Variants in NKAIN3 observed in about 807,000 individuals in gnomAD.
NKAIN3 encodes the protein sodium/potassium-transporting ATPase subunit beta-1-interacting protein 3.
NKAIN3 carries 25 observed loss-of-function variants against 30.2 expected under a neutral mutation model. The observed-to-expected ratio is 0.83, with a 90% CI of 0.60 to 1.16. NKAIN3 has a LOEUF of 1.16. Ranked by LOEUF, NKAIN3 falls within the 50% of genes most tolerant of loss-of-function variation. The probability of loss-of-function intolerance (pLI) is 0.00; values close to 1 mark genes in which losing one functional copy is unlikely to be tolerated. For synonymous variants in NKAIN3, 91 were observed against 89.6 expected (o/e 1.02, Z -0.09); for missense variants, 225 against 254.1 (o/e 0.89, Z 0.78).
intron 3 of NKAIN3, among the ~76,000 whole-genome samples, chr8:62,671,607 A>G (rs187903843): frequency 3.0e-4 from 45 of 152,334 alleles, no homozygotes; most frequent in Admixed American, 2.0e-4. Context: ...TCCAAGTAGT[A>G]TAAAACTAAA....
intron 4 of NKAIN3, among the ~76,000 whole-genome samples, chr8:62,816,777 G>C (rs991690650): frequency 6.6e-6 from 1 of 152,098 alleles, no homozygotes; most frequent in Non-Finnish European, 1.5e-5. Flanking sequence ...TGAGCCCCAC[G>C]GCAGGATGCA....
At chr8:62,990,308 A>G (rs1824295342) in intron 5 of NKAIN3, 4 of 1,414,466 alleles carry the variant, frequency 2.8e-6, no homozygotes, top group South Asian at 1.7e-5. Context: ...GAGGTGATGC[A>G]TTATTTTAGA....
At chr8:62,367,390 T>C (rs1322392597) in intron 1 of NKAIN3, among the ~76,000 whole-genome samples, 1 of 152,198 alleles carries the variant, frequency 6.6e-6, no homozygotes, top group Non-Finnish European at 1.5e-5. Flanking sequence ...TGTGATTTAT[T>C]TTGGGGCTGC....
At chr8:62,403,428 C>A (rs541687149) in intron 1 of NKAIN3, among the ~76,000 whole-genome samples, 1 of 152,310 alleles carries the variant, frequency 6.6e-6, no homozygotes, top group East Asian at 1.9e-4. Flanking sequence ...TCATTACAGG[C>A]CCAGAGGCTT....
chr8:62,275,439 A>G (rs1758528116), intron 1 of NKAIN3, among the ~76,000 whole-genome samples: 1 of 152,202 alleles, frequency 6.6e-6, no homozygotes, highest in African/African-American at 2.4e-5. Flanking sequence ...GTGGAGAAAG[A>G]AATTTTGTAA....
chr8:62,674,777 C>T (rs1261626357), intron 3 of NKAIN3, among the ~76,000 whole-genome samples: 1 of 152,006 alleles, frequency 6.6e-6, no homozygotes, highest in Admixed American at 6.6e-5. Flanking sequence ...AGAGACTAGC[C>T]GGAAGGGAAG....
intron 1 of NKAIN3, among the ~76,000 whole-genome samples, chr8:62,330,340 C>T (rs1044285784): frequency 4.0e-5 from 6 of 151,822 alleles, no homozygotes; most frequent in African/African-American, 1.5e-4. Flanking sequence ...GAGTATAAGC[C>T]AGGGTACGTA....
intron 3 of NKAIN3, among the ~76,000 whole-genome samples, chr8:62,606,167 G>C (rs1811119997): frequency 6.6e-6 from 1 of 152,076 alleles, no homozygotes; most frequent in South Asian, 2.1e-4. Flanking sequence ...ATATTAAAGA[G>C]AGAACCTCCA....
In NKAIN3 at chr8:62,573,613, A is replaced by G. The variant is rs73255004; in HGVS notation, c.55-5926A>G. Among the ~76,000 whole-genome samples, 339 of 151,734 alleles carry G rather than the reference A, an allele frequency of 2.2e-3. 1 individual carries two copies. Among genetic ancestry groups the G allele is most frequent in the African/African-American group, 7.8e-3 (324 of 41,342 alleles). ...AATACAAGATATTTATTTTCATCCTATTCTTTATAGTGTACAGATTCTTAC... is the reference window on the plus strand; with the variant it reads ...AATACAAGATATTTATTTTCATCCTGTTCTTTATAGTGTACAGATTCTTAC... On this transcript the variant is annotated intron_variant, in intron 1 of 6. Transcript: ENST00000623646.
chr8:62,520,411 G>T (rs1015537899), intron 1 of NKAIN3, among the ~76,000 whole-genome samples: 3 of 151,738 alleles, frequency 2.0e-5, no homozygotes, highest in Non-Finnish European at 4.4e-5. Context: ...CTAACCCAAG[G>T]TATTCCAAAT....
At chr8:62,311,386 G>A (rs192397692) in intron 1 of NKAIN3, among the ~76,000 whole-genome samples, 77 of 150,454 alleles carry the variant, frequency 5.1e-4, no homozygotes, top group Non-Finnish European at 9.4e-4. Flanking sequence ...ACAAAAGGCA[G>A]GCATTATGGG....
chr8:62,461,246 A>G (rs1194189145), intron 1 of NKAIN3, among the ~76,000 whole-genome samples: 1 of 152,226 alleles, frequency 6.6e-6, no homozygotes. Flanking sequence ...CAAAGCAGAG[A>G]CTTCAGTGGC....
At chr8:62,807,436 T>G (rs1171927120) in intron 4 of NKAIN3, among the ~76,000 whole-genome samples, 3 of 152,200 alleles carry the variant, frequency 2.0e-5, no homozygotes, top group Middle Eastern at 6.8e-3. Context: ...TCATTATCAG[T>G]TTTCTTGTTT....
intron 5 of NKAIN3, among the ~76,000 whole-genome samples, chr8:62,929,767 G>A (rs1822562542): frequency 6.6e-6 from 1 of 151,732 alleles, no homozygotes; most frequent in African/African-American, 2.4e-5. Flanking sequence ...GCAGCCCATG[G>A]GCCACATGCA....
At chr8:62,796,963 C>T (rs2130684482) in intron 4 of NKAIN3, among the ~76,000 whole-genome samples, 1 of 152,264 alleles carries the variant, frequency 6.6e-6, no homozygotes, top group African/African-American at 2.4e-5. Context: ...TTTAGACTAA[C>T]TTAAAGACAG....
At chr8:62,370,388 C>T (rs947440195) in intron 1 of NKAIN3, among the ~76,000 whole-genome samples, 3 of 151,902 alleles carry the variant, frequency 2.0e-5, no homozygotes, top group African/African-American at 7.2e-5. Flanking sequence ...AAAAATTTAA[C>T]TCCTTAAACT....
At chr8:62,799,727 A>T (rs1483489917) in intron 4 of NKAIN3, among the ~76,000 whole-genome samples, 3 of 152,194 alleles carry the variant, frequency 2.0e-5, no homozygotes. Flanking sequence ...GTCATTATAT[A>T]AAAAAGATAC....
chr8:62,877,968 A>T (rs1218977017), intron 4 of NKAIN3, among the ~76,000 whole-genome samples: 4 of 147,512 alleles, frequency 2.7e-5, no homozygotes, highest in Non-Finnish European at 5.9e-5. Context: ...TGAACCCGAG[A>T]GGCAGAGGTT....
intron 5 of NKAIN3, among the ~76,000 whole-genome samples, chr8:62,926,242 T>C (rs1017166835): frequency 3.3e-5 from 5 of 152,178 alleles, no homozygotes; most frequent in Non-Finnish European, 7.3e-5. Context: ...TGGTAAAATT[T>C]AAGAGCCCAG....
Sources: gnomAD v4.1 joint callset for allele counts (sites outside exome capture counted in the v4.1 genomes callset) on GRCh38, gnomAD v4.1.1 for gene constraint, MANE v1.5 for transcripts, NCBI Gene and HGNC (gene_info 2026-07-23, HGNC 2026-07-21) for gene names.